ACAT2: variants seen among roughly 807,000 people sequenced by gnomAD.
ACAT2 encodes the protein acetyl-CoA acetyltransferase 2.
Under a neutral mutation model 37.1 loss-of-function variants are expected in ACAT2, and 26 were observed. The observed-to-expected ratio is 0.70, with a 90% CI of 0.51 to 0.97. The LOEUF (loss-of-function observed/expected upper bound fraction) is 0.97. Among genes scored for constraint, ACAT2 ranks in the 50% least tolerant of loss-of-function variants. The probability of loss-of-function intolerance (pLI) is 0.00; values close to 1 mark genes in which losing one functional copy is unlikely to be tolerated. For missense variants in ACAT2, 468 were observed against 489.0 expected, an observed-to-expected ratio of 0.96 and a Z score of 0.40; for synonymous variants, 156 against 163.6, an observed-to-expected ratio of 0.95 and a Z score of 0.35.
At position 159,778,961 on chromosome 6, in the gene ACAT2, T is replaced by C; in HGVS notation, c.*132T>C. The stretch of plus-strand genomic sequence containing the variant: ...ATCACAAAAACCCAAGTTTACAGCT[T>C]GTACTTTACTTTAATGTGTAATACT... On this transcript the variant is annotated 3_prime_UTR_variant, in exon 9 of 9. Coordinates refer to ENST00000367048, the MANE Select transcript of ACAT2 (RefSeq NM_005891.3). 8 of 1,559,734 alleles carry C rather than the reference T, an allele frequency of 5.1e-6. No homozygotes were observed. Among genetic ancestry groups the C allele is most frequent in the Admixed American group, 1.8e-5 (1 of 55,872 alleles).
At chr6:159,762,691 G>A (rs917190476) in intron 1 of ACAT2, 24 of 1,505,430 alleles carry the variant, frequency 1.6e-5, no homozygotes, top group Non-Finnish European at 2.1e-5. Context: ...CTACAGCGGC[G>A]TCCCTAGGCC....
chr6:159,762,099 C>G lies in ACAT2; in HGVS notation c.12C>G (p.Gly4=). MNA[G]SDPVVIVSAA... ...GCAGGAGAAGCAAGATGAATGCAGGCTCAGATCCTGTGGTCATCGTCTCGG... is the reference window on the plus strand; with the variant it reads ...GCAGGAGAAGCAAGATGAATGCAGGGTCAGATCCTGTGGTCATCGTCTCGG... Residue 4 remains glycine, a synonymous_variant, in exon 1 of 9, where the codon GGC becomes GGG. Coordinates refer to ENST00000367048, the MANE Select transcript of ACAT2 (RefSeq NM_005891.3). 1.2e-6 allele frequency: 2 copies of G among 1,613,336 alleles called. No homozygotes were observed. Among genetic ancestry groups the G allele is most frequent in the Non-Finnish European group, 8.5e-7 (1 of 1,179,646 alleles).
At position 159,778,929 on chromosome 6, in the gene ACAT2, T is replaced by C. The variant is rs1780502286; in HGVS notation, c.*100T>C. On this transcript the variant is annotated 3_prime_UTR_variant, in exon 9 of 9. Coordinates refer to ENST00000367048, the MANE Select transcript of ACAT2 (RefSeq NM_005891.3). ...GGACCAAAGTACAGATGGAAACCAT[T>C]TCCTACATCACAAAAACCCAAGTTT... 6.4e-7 allele frequency: 1 copy of C among 1,568,478 alleles called. No homozygotes were observed. The highest frequency in any genetic ancestry group is 1.2e-5 in the South Asian group (1 of 84,812).
At position 159,778,654 on chromosome 6, in the gene ACAT2, G is replaced by A. The variant is rs200892543; in HGVS notation, c.1024-5G>A. ...AAACAATCTAAATCTTTTCTCCCCCGTTAGGTCAATATTGAAGGAGGGGCT... is the reference window on the plus strand; with the variant it reads ...AAACAATCTAAATCTTTTCTCCCCCATTAGGTCAATATTGAAGGAGGGGCT... On this transcript the variant is annotated splice_region_variant and splice_polypyrimidine_tract_variant and intron_variant, in intron 8 of 8. Coordinates refer to ENST00000367048, the MANE Select transcript of ACAT2 (RefSeq NM_005891.3). The A allele has an allele frequency of 1.3e-4, 217 of 1,613,498 alleles. No homozygotes were observed. Among genetic ancestry groups the A allele is most frequent in the African/African-American group, 3.2e-4 (24 of 75,010 alleles).
At chr6:159,778,597 T>G (rs1780487740) in intron 8 of ACAT2, 62 bp from the exon 9 acceptor site, 1 of 1,560,696 alleles carries the variant, frequency 6.4e-7, no homozygotes, top group African/African-American at 1.4e-5. Context: ...AAAAGACAAG[T>G]TTAAGATTTT....
In ACAT2 at chr6:159,778,642, C is replaced by A. The variant is rs1270715214; in HGVS notation, c.1024-17C>A. 3 of 1,611,840 alleles carry A rather than the reference C, an allele frequency of 1.9e-6. No individual in the cohort carries two copies. The highest frequency in any genetic ancestry group is 2.5e-6 in the Non-Finnish European group (3 of 1,178,446). Reference sequence around the variant, plus strand: ...CCACAGAAGAATAAACAATCTAAATCTTTTCTCCCCCGTTAGGTCAATATT... The same window carrying A: ...CCACAGAAGAATAAACAATCTAAATATTTTCTCCCCCGTTAGGTCAATATT... On this transcript the variant is annotated splice_polypyrimidine_tract_variant and intron_variant, in intron 8 of 8. Coordinates refer to ENST00000367048, the MANE Select transcript of ACAT2 (RefSeq NM_005891.3).
chr6:159,763,897 C>T (rs1325938338), intron 2 of ACAT2, among the ~76,000 whole-genome samples: 1 of 151,946 alleles, frequency 6.6e-6, no homozygotes, highest in Non-Finnish European at 1.5e-5. Context: ...GTCAGGAGAT[C>T]AAGACCATCC....
At chr6:159,765,208 C>T (rs1374876636) in intron 2 of ACAT2, among the ~76,000 whole-genome samples, 3 of 151,422 alleles carry the variant, frequency 2.0e-5, no homozygotes, top group African/African-American at 2.4e-5. Context: ...CTCTGCCTCC[C>T]GGGTTCCAGT....
In ACAT2 at chr6:159,767,077, G is replaced by T; in HGVS notation, c.263G>T (p.Cys88Phe). Residue 88 changes from cysteine to phenylalanine, a missense_variant, in exon 3 of 9, where the codon TGC becomes TTC. Transcript: ENST00000367048. ...GIPYSVPAWS[C>F]QMICGSGLKA... The stretch of plus-strand genomic sequence containing the variant: ...CCCTACTCTGTTCCAGCATGGAGCT[G>T]CCAGATGATCTGTGGGTCAGGCCTA... The T allele has an allele frequency of 2.5e-6, 4 of 1,614,188 alleles. No individual in the cohort carries two copies. In the South Asian group the frequency reaches 4.4e-5, roughly 18 times the overall value.
intron 2 of ACAT2, among the ~76,000 whole-genome samples, chr6:159,766,487 C>T (rs756739167): frequency 1.3e-5 from 2 of 151,996 alleles, no homozygotes. Context: ...CCGCAACCTC[C>T]GCTTCCCAGG....
chr6:159,768,475 A>G, intron 3 of ACAT2, 36 bp from the exon 4 acceptor site: 1 of 1,463,076 alleles, frequency 6.8e-7, no homozygotes, highest in Non-Finnish European at 9.6e-7. Flanking sequence ...ACTAATTGCA[A>G]CTAAGCCTAA....
chr6:159,776,278 AT>A lies in ACAT2; in HGVS notation c.757+10del. On this transcript the variant is annotated splice_region_variant and intron_variant, in intron 6 of 8. Coordinates refer to ENST00000367048, the MANE Select transcript of ACAT2 (RefSeq NM_005891.3). ...CACCCCAGCCAATGCTTCAGGTTAG[AT>A]TTTCTGAAGGACATCTGGGGGAATA... 1 of 1,613,340 alleles carries A rather than the reference AT, an allele frequency of 6.2e-7. No individual in the cohort carries two copies. Among genetic ancestry groups the A allele is most frequent in the Non-Finnish European group, 8.5e-7 (1 of 1,179,774 alleles).
chr6:159,767,198 C>G lies in ACAT2; in HGVS notation c.372+12C>G, dbSNP rs747739418. ...AAAATATGAGCAAGGTAAGGCCTCT[C>G]TGATGAGGTGGCTTTCACTGACCTC... is the stretch of plus-strand genomic sequence containing the variant. On this transcript the variant is annotated intron_variant, in intron 3 of 8. Transcript: ENST00000367048. 6 of 1,613,484 alleles carry G rather than the reference C, an allele frequency of 3.7e-6. No individual in the cohort carries two copies. In the South Asian group the frequency reaches 6.6e-5, roughly 18 times the overall value.
intron 2 of ACAT2, 142 bp downstream of exon 2, chr6:159,763,195 T>C (rs989746954): frequency 8.6e-7 from 1 of 1,163,596 alleles, no homozygotes; most frequent in African/African-American, 1.5e-5. Flanking sequence ...GAGTTCCCTC[T>C]GTTATGATTC....
chr6:159,762,432 T>C (rs958493016), intron 1 of ACAT2: 2 of 1,362,456 alleles, frequency 1.5e-6, no homozygotes, highest in African/African-American at 2.9e-5. Flanking sequence ...CGTAGGGAGG[T>C]GTTCTCCTCC....
chr6:159,767,805 G>T (rs1780278378), intron 3 of ACAT2, among the ~76,000 whole-genome samples: 1 of 152,236 alleles, frequency 6.6e-6, no homozygotes, highest in Non-Finnish European at 1.5e-5. Context: ...CTGAGGTTCA[G>T]GAGGAGGCAG....
chr6:159,779,081 A>T lies in ACAT2; in HGVS notation c.*252A>T, dbSNP rs770063890. Reference sequence around the variant, plus strand: ...GGGCTCCAGAGTGAACAGCATCTTCATAACTTCCATGTTTATCATCTTTAC... The same window carrying T: ...GGGCTCCAGAGTGAACAGCATCTTCTTAACTTCCATGTTTATCATCTTTAC... On this transcript the variant is annotated 3_prime_UTR_variant, in exon 9 of 9. Transcript: ENST00000367048. The T allele has an allele frequency of 6.2e-7, 1 of 1,614,006 alleles. No homozygotes were observed. The highest frequency in any genetic ancestry group is 1.7e-5 in the Admixed American group (1 of 60,006).
intron 4 of ACAT2, among the ~76,000 whole-genome samples, chr6:159,770,593 C>G (rs1369982700): frequency 6.6e-6 from 1 of 151,762 alleles, no homozygotes; most frequent in Non-Finnish European, 1.5e-5. Context: ...GGGAGGATCA[C>G]TTGAGGCTGG....
At chr6:159,769,655 G>A (rs550787178) in intron 4 of ACAT2, among the ~76,000 whole-genome samples, 6 of 152,314 alleles carry the variant, frequency 3.9e-5, no homozygotes, top group African/African-American at 1.4e-4. Flanking sequence ...ATGTAAGACT[G>A]AGATCCTTGA....
Sources: allele counts gnomAD v4.1 joint callset (sites outside exome capture counted in the v4.1 genomes callset), GRCh38; gene constraint gnomAD v4.1.1; transcripts MANE v1.5; gene names NCBI Gene and HGNC (gene_info 2026-07-23, HGNC 2026-07-21).